The following RSPO3 variants were observed in gnomAD, a reference collection of about 807,000 sequenced individuals.
RSPO3 encodes R-spondin-3.
A neutral mutation model predicts 36.5 loss-of-function variants in RSPO3; 17 were observed. That is an observed-to-expected ratio of 0.47 (90% confidence interval 0.32 to 0.70). The LOEUF is 0.70. RSPO3 is among the 30% of genes least tolerant of loss of function. The pLI, the probability that RSPO3 is intolerant of heterozygous loss-of-function variation, is 0.04. For missense variants in RSPO3, 294 were observed against 322.5 expected (o/e 0.91, Z 0.68); for synonymous variants, 108 against 107.0 (o/e 1.01, Z -0.06).
chr6:127,159,627 G>A (rs916230958), intron 4 of RSPO3, among the ~76,000 whole-genome samples: 7 of 149,980 alleles, frequency 4.7e-5, no homozygotes, highest in Non-Finnish European at 8.9e-5. Flanking sequence ...TTATATAAAG[G>A]CATTACATAC....
intron 4 of RSPO3, among the ~76,000 whole-genome samples, chr6:127,168,679 T>A (rs1774874923): frequency 6.6e-6 from 1 of 152,088 alleles, no homozygotes; most frequent in Admixed American, 6.6e-5. Flanking sequence ...TGCCCATGCC[T>A]ATGTCCTGAA....
chr6:127,119,359 C>G (rs1040601219), intron 1 of RSPO3, 70 bp downstream of exon 1: 4 of 1,139,370 alleles, frequency 3.5e-6, no homozygotes, highest in Middle Eastern at 2.0e-4. Context: ...TTTGCCTGTC[C>G]GGAGCCGGCT....
rs1211202795 is a variant in RSPO3, at chr6:127,142,439, T to C, written c.98-6209T>C. On this transcript the variant is annotated intron_variant, in intron 1 of 4. Transcript: ENST00000356698. ...AAAGTGATCGTTGCCACCAGAGGAATCGGGAAACATCTCTTAATTTTCAAT... is the reference window on the plus strand; with the variant it reads ...AAAGTGATCGTTGCCACCAGAGGAACCGGGAAACATCTCTTAATTTTCAAT... Among the ~76,000 whole-genome samples, 5 of 152,182 alleles carry C rather than the reference T, an allele frequency of 3.3e-5. No homozygotes were observed. The South Asian group carries it at 6.2e-4, about 19-fold the overall frequency.
Position 127,119,059 on chromosome 6 carries a change from G to A in RSPO3, c.-134G>A. On this transcript the variant is annotated 5_prime_UTR_variant, in exon 1 of 5. Coordinates refer to ENST00000356698, the MANE Select transcript of RSPO3 (RefSeq NM_032784.5). The stretch of plus-strand genomic sequence containing the variant: ...GCTTGCCATCACAGCACGCCTATCG[G>A]ATGTGAGAGGAGAAGTCCCGCTGCT... 1.6e-6 allele frequency: 1 copy of A among 626,804 alleles called. No homozygotes were observed. Among genetic ancestry groups the A allele is most frequent in the East Asian group, 2.9e-5 (1 of 34,002 alleles). The allele number at this position is 626,804 out of a possible 1,614,324, so 38.8% of individuals were successfully genotyped here.
chr6:127,142,260 T>C (rs1313208648), intron 1 of RSPO3, among the ~76,000 whole-genome samples: 1 of 152,226 alleles, frequency 6.6e-6, no homozygotes, highest in African/African-American at 2.4e-5. Context: ...GTTGCCTAAA[T>C]GGTTGTGGAG....
At chr6:127,157,224 C>T (rs1774611765) in intron 4 of RSPO3, among the ~76,000 whole-genome samples, 1 of 152,060 alleles carries the variant, frequency 6.6e-6, no homozygotes, top group Admixed American at 6.6e-5. Context: ...ACTAAATTTC[C>T]TTAAAATTTA....
At chr6:127,130,742 G>T (rs1369165723) in intron 1 of RSPO3, among the ~76,000 whole-genome samples, 2 of 152,096 alleles carry the variant, frequency 1.3e-5, no homozygotes, top group Non-Finnish European at 2.9e-5. Context: ...CAAACGGTAT[G>T]GACAAATGCT....
chr6:127,140,192 CTG>C (rs1458432610), intron 1 of RSPO3, among the ~76,000 whole-genome samples: 1 of 152,134 alleles, frequency 6.6e-6, no homozygotes, highest in Non-Finnish European at 1.5e-5. Flanking sequence ...GTTATTTAGA[CTG>C]TTTCAATATG....
rs1342371745 is a variant in RSPO3, at chr6:127,196,093, A to G, written c.*86A>G. ...AGGTGCTCTAGCCATTAGGACCACA[A>G]ATGGACATGTCAGTTATTGCTCTGT... On this transcript the variant is annotated 3_prime_UTR_variant, in exon 5 of 5. Coordinates refer to ENST00000356698, the MANE Select transcript of RSPO3 (RefSeq NM_032784.5). 1 of 1,100,528 alleles carries G rather than the reference A, an allele frequency of 9.1e-7. No individual in the cohort carries two copies. Among genetic ancestry groups the G allele is most frequent in the Non-Finnish European group, 1.3e-6 (1 of 790,880 alleles). The allele number at this position is 1,100,528 out of a possible 1,614,324, so 68.2% of individuals were successfully genotyped here.
At chr6:127,182,514 G>A (rs962081660) in intron 4 of RSPO3, among the ~76,000 whole-genome samples, 11 of 151,832 alleles carry the variant, frequency 7.2e-5, no homozygotes, top group African/African-American at 2.7e-4. Flanking sequence ...TAGAGATTAA[G>A]ACAGTGTTCT....
intron 4 of RSPO3, among the ~76,000 whole-genome samples, chr6:127,188,195 T>C (rs1028995322): frequency 1.3e-5 from 2 of 152,158 alleles, no homozygotes; most frequent in African/African-American, 4.8e-5. Context: ...TCTGAGTCTT[T>C]AGTGGATAAT....
chr6:127,188,715 A>G (rs1396614534), intron 4 of RSPO3, among the ~76,000 whole-genome samples: 1 of 152,152 alleles, frequency 6.6e-6, no homozygotes. Context: ...GCTGACTCAA[A>G]AAGTTTATTC....
intron 1 of RSPO3, among the ~76,000 whole-genome samples, chr6:127,148,405 T>G (rs1774428030): frequency 6.6e-6 from 1 of 151,662 alleles, no homozygotes. Context: ...TATAAGTCCT[T>G]TGAGGCAGTA....
At chr6:127,131,307 C>G (rs554492719) in intron 1 of RSPO3, among the ~76,000 whole-genome samples, 54 of 152,232 alleles carry the variant, frequency 3.5e-4, no homozygotes, top group Admixed American at 1.7e-3. Context: ...CAATTTCATG[C>G]TATAACTACC....
At chr6:127,128,075 A>C (rs891802217) in intron 1 of RSPO3, among the ~76,000 whole-genome samples, 2 of 152,130 alleles carry the variant, frequency 1.3e-5, no homozygotes, top group African/African-American at 4.8e-5. Context: ...TAACCAAGAA[A>C]AGATTAATGT....
chr6:127,131,872 CAATT>C (rs1236387515), intron 1 of RSPO3, among the ~76,000 whole-genome samples: 2 of 152,096 alleles, frequency 1.3e-5, no homozygotes, highest in Non-Finnish European at 2.9e-5. Flanking sequence ...TCCTCATAGA[CAATT>C]TATTTACTGG....
intron 1 of RSPO3, among the ~76,000 whole-genome samples, chr6:127,148,120 A>T (rs1010668144): frequency 7.9e-5 from 12 of 152,072 alleles, no homozygotes; most frequent in African/African-American, 2.9e-4. Context: ...CAGATATAAA[A>T]CTTAGTGTCC....
chr6:127,144,757 G>T (rs1327724761), intron 1 of RSPO3, among the ~76,000 whole-genome samples: 1 of 149,914 alleles, frequency 6.7e-6, no homozygotes, highest in Non-Finnish European at 1.5e-5. Flanking sequence ...CGGTAGCTGG[G>T]ATTACAGACG....
chr6:127,144,290 C>A (rs2114573206), intron 1 of RSPO3, among the ~76,000 whole-genome samples: 1 of 152,274 alleles, frequency 6.6e-6, no homozygotes, highest in South Asian at 2.1e-4. Flanking sequence ...CCACTCATAT[C>A]TACCCCCATT....
Sources: gnomAD v4.1 joint callset for allele counts (sites outside exome capture counted in the v4.1 genomes callset) on GRCh38, gnomAD v4.1.1 for gene constraint, MANE v1.5 for transcripts, NCBI Gene and HGNC (gene_info 2026-07-23, HGNC 2026-07-21) for gene names.